Variants in ATRN observed in about 807,000 individuals in gnomAD.
ATRN encodes attractin.
Under a neutral mutation model 178.7 loss-of-function variants are expected in ATRN, and 54 were observed. The observed-to-expected ratio is 0.30, with a 90% CI of 0.24 to 0.38. The LOEUF (loss-of-function observed/expected upper bound fraction) is 0.38, where lower values mean the gene tolerates loss of function less well. Ranked by LOEUF, ATRN falls within the 10% of genes least tolerant of loss-of-function variation. The probability of loss-of-function intolerance (pLI) is 1.00; values close to 1 mark genes in which losing one functional copy is unlikely to be tolerated. For missense variants in ATRN, 1,443 were observed against 1,815.1 expected (o/e 0.79, Z 3.73); for synonymous variants, 636 against 663.0 (o/e 0.96, Z 0.63).
intron 11 of ATRN, among the ~76,000 whole-genome samples, chr20:3,568,709 AC>A (rs1226996364): frequency 6.6e-6 from 1 of 152,158 alleles, no homozygotes; most frequent in Non-Finnish European, 1.5e-5. Flanking sequence ...CTATTTAAAA[AC>A]ATCTTGTTGA....
At chr20:3,554,544 C>G (rs929420646) in intron 6 of ATRN, among the ~76,000 whole-genome samples, 6 of 151,910 alleles carry the variant, frequency 3.9e-5, no homozygotes, top group Admixed American at 3.3e-4. Flanking sequence ...CCATGTTAGC[C>G]AGGATGGTCT....
intron 24 of ATRN, among the ~76,000 whole-genome samples, chr20:3,619,343 C>T (rs766826581): frequency 1.2e-4 from 18 of 152,224 alleles, no homozygotes; most frequent in Non-Finnish European, 2.6e-4. Context: ...TTCTGCACCA[C>T]GGTGTCTTAC....
intron 24 of ATRN, among the ~76,000 whole-genome samples, chr20:3,616,346 G>A (rs2086846622): frequency 6.6e-6 from 1 of 152,184 alleles, no homozygotes; most frequent in African/African-American, 2.4e-5. Context: ...GCTGTGAGTG[G>A]ACAGCAGGCA....
intron 9 of ATRN, 35 bp downstream of exon 9, chr20:3,562,494 G>A (rs2085969183): frequency 6.2e-7 from 1 of 1,600,478 alleles, no homozygotes; most frequent in Non-Finnish European, 8.5e-7. Flanking sequence ...ACTTTAAGGT[G>A]TAAATTCTGT....
chr20:3,527,286 A>G (rs980354459), intron 1 of ATRN, among the ~76,000 whole-genome samples: 10 of 152,374 alleles, frequency 6.6e-5, no homozygotes, highest in African/African-American at 2.4e-4. Context: ...GACACTTCTC[A>G]AAAGAAGACA....
At chr20:3,627,458 T>C (rs975247841) in intron 25 of ATRN, among the ~76,000 whole-genome samples, 3 of 152,044 alleles carry the variant, frequency 2.0e-5, no homozygotes, top group Non-Finnish European at 4.4e-5. Flanking sequence ...AAAATATAAA[T>C]AAGAGCAAAA....
At chr20:3,511,530 C>G (rs1166688196) in intron 1 of ATRN, among the ~76,000 whole-genome samples, 2 of 150,964 alleles carry the variant, frequency 1.3e-5, no homozygotes, top group South Asian at 4.2e-4. Flanking sequence ...CATAGGAGGT[C>G]GAGAAACTAT....
intron 6 of ATRN, among the ~76,000 whole-genome samples, chr20:3,557,418 A>G (rs1489408398): frequency 1.3e-5 from 2 of 152,210 alleles, no homozygotes; most frequent in East Asian, 3.8e-4. Flanking sequence ...CTGGAGGAAA[A>G]AAAGGATGGT....
At chr20:3,642,304 A>G (rs994038569) in intron 27 of ATRN, among the ~76,000 whole-genome samples, 1 of 152,156 alleles carries the variant, frequency 6.6e-6, no homozygotes, top group Admixed American at 6.5e-5. Flanking sequence ...CAGTGTCCCC[A>G]CTTGGATATC....
chr20:3,507,873 G>A (rs2085069316), intron 1 of ATRN, among the ~76,000 whole-genome samples: 1 of 151,656 alleles, frequency 6.6e-6, no homozygotes, highest in African/African-American at 2.4e-5. Context: ...AGTGAAATAC[G>A]AAAATTAGTT....
intron 25 of ATRN, among the ~76,000 whole-genome samples, chr20:3,626,592 A>T (rs761185615): frequency 9.2e-5 from 14 of 151,922 alleles, no homozygotes; most frequent in Non-Finnish European, 2.1e-4. Flanking sequence ...TTTTCTTCTA[A>T]TGATCCCATT....
intron 24 of ATRN, among the ~76,000 whole-genome samples, chr20:3,616,142 A>G (rs1414173202): frequency 2.0e-5 from 3 of 151,574 alleles, no homozygotes; most frequent in Non-Finnish European, 2.9e-5. Context: ...CTTTAATGCT[A>G]TTGTTCCCTT....
chr20:3,583,384 TGAAAA>T (rs1240307912), intron 16 of ATRN, among the ~76,000 whole-genome samples: 1 of 152,252 alleles, frequency 6.6e-6, no homozygotes, highest in Non-Finnish European at 1.5e-5. Flanking sequence ...TAATGCTCTT[TGAAAA>T]GAAAATTTAT....
At chr20:3,490,105 TG>T (rs918929310) in intron 1 of ATRN, 1 of 1,432,722 alleles carries the variant, frequency 7.0e-7, no homozygotes, top group African/African-American at 1.4e-5. Context: ...CCCTTTGATT[TG>T]GGATTTTTGG....
chr20:3,476,633 C>T (rs186130451), intron 1 of ATRN, among the ~76,000 whole-genome samples: 2,341 of 152,190 alleles, frequency 0.015, 21 homozygotes, highest in South Asian at 0.033. Context: ...CTGAGGCGGG[C>T]GGATCGCCTG....
chr20:3,603,421 C>T (rs182719783), intron 23 of ATRN, among the ~76,000 whole-genome samples: 46 of 151,860 alleles, frequency 3.0e-4, no homozygotes, highest in African/African-American at 1.0e-3. Context: ...TCATGTGTGT[C>T]ACCTGTTTGG....
At chr20:3,497,132 C>T (rs1425111048) in intron 1 of ATRN, among the ~76,000 whole-genome samples, 3 of 149,228 alleles carry the variant, frequency 2.0e-5, no homozygotes, top group Middle Eastern at 3.2e-3. Context: ...CAGTCTGTGT[C>T]TTTTAATTGG....
At chr20:3,489,429 G>T in intron 1 of ATRN, 1 of 731,086 alleles carries the variant, frequency 1.4e-6, no homozygotes, top group Non-Finnish European at 2.5e-6. Flanking sequence ...ATGAGACTAC[G>T]TAGCAAAGGG....
Position 3,471,365 on chromosome 20 carries a change from G to T in ATRN, c.258G>T (p.Ala86=). Residue 86 remains alanine, a synonymous_variant, in exon 1 of 29, where the codon GCG becomes GCT. Coordinates refer to ENST00000262919, the MANE Select transcript of ATRN (RefSeq NM_139321.3). The part of the protein sequence containing the change: ...LLPCEAEAAA[A]AAAVSGSAAA... ...CCTGTGAGGCCGAGGCCGCGGCGGC[G>T]GCGGCGGCGGTGTCGGGCTCAGCCG... The T allele has an allele frequency of 6.7e-7, 1 of 1,482,360 alleles. No individual in the cohort carries two copies. The highest frequency in any genetic ancestry group is 1.3e-5 in the South Asian group (1 of 77,462). The allele number at this position is 1,482,360 out of a possible 1,614,324, so 91.8% of individuals were successfully genotyped here. A position where few individuals can be genotyped will look rare whatever the true frequency, so the allele number is the denominator to read the frequency against.
Sources: gnomAD v4.1 joint callset for allele counts (sites outside exome capture counted in the v4.1 genomes callset) on GRCh38, gnomAD v4.1.1 for gene constraint, MANE v1.5 for transcripts, NCBI Gene and HGNC (gene_info 2026-07-23, HGNC 2026-07-21) for gene names.